IGSF10: variants seen among roughly 807,000 people sequenced by gnomAD.
IGSF10 encodes immunoglobulin superfamily member 10, also known as calvaria mechanical force protein 608.
In IGSF10, 126 loss-of-function variants were observed where a neutral mutation model predicts 128.2. The ratio of observed to expected loss-of-function variants is 0.98; its 90% CI spans 0.85 to 1.14. The LOEUF (loss-of-function observed/expected upper bound fraction) is 1.14, where lower values mean the gene tolerates loss of function less well. IGSF10 is among the 50% of genes most tolerant of loss of function. The pLI is 0.00. For missense variants in IGSF10, 3,295 were observed against 3,149.8 expected, an observed-to-expected ratio of 1.05 and a Z score of -1.10; for synonymous variants, 1,185 against 1,146.2, an observed-to-expected ratio of 1.03 and a Z score of -0.68.
chr3:151,508,097 C>A, the IGSF10 span, among the ~76,000 whole-genome samples: 3 of 151,682 alleles, frequency 2.0e-5, no homozygotes, highest in Non-Finnish European at 4.4e-5. Flanking sequence ...CTACTAGATA[C>A]GAGAGAAGCA....
chr3:151,504,451 A>C, the IGSF10 span, among the ~76,000 whole-genome samples: 1 of 152,184 alleles, frequency 6.6e-6, no homozygotes, highest in African/African-American at 2.4e-5. Context: ...ATTAATAAAA[A>C]ATATCTTGAT....
intron 7 of IGSF10, chr3:151,440,445 A>G (rs1477686301): frequency 2.5e-6 from 1 of 398,138 alleles, no homozygotes; most frequent in Non-Finnish European, 5.0e-6. Flanking sequence ...TATAAACCAA[A>G]GTAAAATCAA....
chr3:151,613,483 A>G, the IGSF10 span, among the ~76,000 whole-genome samples: 1 of 152,330 alleles, frequency 6.6e-6, no homozygotes, highest in South Asian at 2.1e-4. Context: ...AGAGATATAG[A>G]CCAATGGAAC....
rs1240115852 is a variant in IGSF10, at chr3:151,449,170, T to C, written c.811A>G (p.Met271Val). 1.2e-5 allele frequency: 19 copies of C among 1,614,054 alleles called. No individual in the cohort carries two copies. The highest frequency in any genetic ancestry group is 1.4e-5 in the Non-Finnish European group (17 of 1,180,048). Residue 271 changes from methionine to valine, a missense_variant, in exon 6 of 8, where the codon ATG (methionine) becomes GTG (valine). Physicochemically the swap from Met to Val is conservative, Grantham distance 21 (BLOSUM62 1). Coordinates refer to ENST00000282466, the MANE Select transcript of IGSF10 (RefSeq NM_178822.5). ...CACTGGAAAGCTGCAGCTGAGACCA[T>C]AGCTAACGGCTTGCCTTTAGAAGTC... is the stretch of plus-strand genomic sequence containing the variant. ...PRTSKGKPLA[M>V]VSAAAFQCAK...
chr3:151,528,295 C>T, the IGSF10 span, among the ~76,000 whole-genome samples: 1 of 152,144 alleles, frequency 6.6e-6, no homozygotes, highest in Non-Finnish European at 1.5e-5. Context: ...TAGGTCATTG[C>T]ATTCAGGGAC....
the IGSF10 span, among the ~76,000 whole-genome samples, chr3:151,602,820 G>T: frequency 6.6e-6 from 1 of 152,172 alleles, no homozygotes; most frequent in Admixed American, 6.5e-5. Flanking sequence ...GAAGGGAATA[G>T]GTTCATGATT....
chr3:151,498,212 T>C, the IGSF10 span, among the ~76,000 whole-genome samples: 545 of 152,276 alleles, frequency 3.6e-3, 1 homozygote, highest in African/African-American at 0.013. Context: ...AACACTATGT[T>C]GAATAGGAGT....
At chr3:151,574,404 C>T in the IGSF10 span, among the ~76,000 whole-genome samples, 1 of 152,254 alleles carries the variant, frequency 6.6e-6, no homozygotes, top group East Asian at 1.9e-4. Flanking sequence ...TTTTTGGAGG[C>T]TTTGTCTATT....
rs1721110239 is a variant in IGSF10, at chr3:151,445,207, C to A, written c.4774G>T (p.Val1592Leu). The change falls in exon 6 of 8, where the codon GTA becomes TTA. Residue 1592 changes from valine (V) to leucine (L), a missense_variant. Transcript: ENST00000282466. ...AGGCCTGTAGTAGCCAACATGCTTA[C>A]TTCTGGCTTTTTGCCTTTTTCAGCA... ...EIAEKGKKPE[V>L]SMLATTGLSE... The A allele has an allele frequency of 6.2e-7, 1 of 1,614,256 alleles. No individual in the cohort carries two copies. Among genetic ancestry groups the A allele is most frequent in the Non-Finnish European group, 8.5e-7 (1 of 1,180,050 alleles).
At chr3:151,606,198 ATATT>A in the IGSF10 span, among the ~76,000 whole-genome samples, 1 of 152,114 alleles carries the variant, frequency 6.6e-6, no homozygotes, top group Non-Finnish European at 1.5e-5. Context: ...GAGCTTTGAG[ATATT>A]TATTTAATTC....
chr3:151,526,472 A>G, the IGSF10 span, among the ~76,000 whole-genome samples: 1 of 152,104 alleles, frequency 6.6e-6, no homozygotes, highest in East Asian at 1.9e-4. Flanking sequence ...ATTTTTTAAT[A>G]ACTTTTTAAA....
downstream of IGSF10, chr3:151,435,541 C>CTTAT (rs1553826141): frequency 6.6e-6 from 1 of 152,100 alleles, no homozygotes; most frequent in African/African-American, 2.4e-5. Context: ...CAGGGGCTAA[C>CTTAT]TTATTAGTAA....
rs768439696 is a variant in IGSF10, at chr3:151,447,630, G to A, written c.2351C>T (p.Thr784Ile). The change falls in exon 6 of 8, where the codon ACC becomes ATC. Residue 784 changes from threonine to isoleucine, a missense_variant. By Grantham distance (89) the Thr-to-Ile change is moderately conservative. Transcript: ENST00000282466. ...TTCACCAGGTATGTTTGGGAGTTGGGTGACCACTGGGGGTGGGCTCACTGT... is the reference window on the plus strand; with the variant it reads ...TTCACCAGGTATGTTTGGGAGTTGGATGACCACTGGGGGTGGGCTCACTGT... ...NTTVSPPPVV[T>I]QLPNIPGEED... 4.6e-5 allele frequency: 74 copies of A among 1,614,042 alleles called. No individual in the cohort carries two copies. The highest frequency in any genetic ancestry group is 5.8e-5 in the Non-Finnish European group (69 of 1,180,020).
chr3:151,495,789 A>G, the IGSF10 span, among the ~76,000 whole-genome samples: 1 of 152,120 alleles, frequency 6.6e-6, no homozygotes, highest in East Asian at 1.9e-4. Flanking sequence ...ACCAAATAAC[A>G]TATTTTTCCT....
At chr3:151,597,693 G>A in the IGSF10 span, among the ~76,000 whole-genome samples, 2 of 152,104 alleles carry the variant, frequency 1.3e-5, no homozygotes, top group East Asian at 1.9e-4. Flanking sequence ...GAGGCGGGTG[G>A]ATCACCTGAG....
chr3:151,501,360 TA>T, the IGSF10 span, among the ~76,000 whole-genome samples: 1 of 152,032 alleles, frequency 6.6e-6, no homozygotes, highest in South Asian at 2.1e-4. Flanking sequence ...GAATCTTTTT[TA>T]TATGTAAAAT....
At chr3:151,517,431 T>A in the IGSF10 span, among the ~76,000 whole-genome samples, 1 of 151,998 alleles carries the variant, frequency 6.6e-6, no homozygotes, top group Admixed American at 6.6e-5. Context: ...ATCCTCCTGA[T>A]AGTCATAATA....
At chr3:151,618,453 G>A in the IGSF10 span, among the ~76,000 whole-genome samples, 6 of 152,118 alleles carry the variant, frequency 3.9e-5, no homozygotes, top group African/African-American at 7.2e-5. Context: ...ACTGTTTGCC[G>A]GGCGCGGTGG....
chr3:151,505,335 T>C, the IGSF10 span, among the ~76,000 whole-genome samples: 172 of 152,064 alleles, frequency 1.1e-3, no homozygotes, highest in African/African-American at 4.0e-3. Flanking sequence ...AACCATCAGA[T>C]CTCGTGAGGA....
Sources: allele counts gnomAD v4.1 joint callset (sites outside exome capture counted in the v4.1 genomes callset), GRCh38; gene constraint gnomAD v4.1.1; transcripts MANE v1.5; gene names NCBI Gene and HGNC (gene_info 2026-07-23, HGNC 2026-07-21).